Variants in ASTN2 observed in about 807,000 individuals in gnomAD.
ASTN2 encodes astrotactin-2.
A neutral mutation model predicts 139.8 loss-of-function variants in ASTN2; 54 were observed. The observed-to-expected ratio is 0.39, with a 90% CI of 0.31 to 0.48. The LOEUF (loss-of-function observed/expected upper bound fraction) is 0.48, where lower values mean the gene tolerates loss of function less well. ASTN2 is among the 20% of genes least tolerant of loss of function. ASTN2 has a pLI of 0.95. For synonymous variants in ASTN2, 756 were observed against 719.5 expected (o/e 1.05, Z -0.81); for missense variants, 1,565 against 1,725.1 (o/e 0.91, Z 1.64).
intron 16 of ASTN2, among the ~76,000 whole-genome samples, chr9:116,716,677 G>A (rs1345719393): frequency 6.6e-6 from 1 of 152,092 alleles, no homozygotes; most frequent in African/African-American, 2.4e-5. Context: ...GATTGCAATG[G>A]GCACATAAAG....
chr9:117,181,080 TCC>T, intron 3 of ASTN2: 1 of 1,226,614 alleles, frequency 8.2e-7, no homozygotes, highest in Non-Finnish European at 1.2e-6. Context: ...GTTTCCATGG[TCC>T]CTTAAAGCAA....
chr9:117,221,585 C>G (rs551420768), intron 2 of ASTN2, among the ~76,000 whole-genome samples: 1 of 152,206 alleles, frequency 6.6e-6, no homozygotes, highest in East Asian at 1.9e-4. Context: ...GGCCTTTAAT[C>G]CTCAGAGCTG....
intron 7 of ASTN2, among the ~76,000 whole-genome samples, chr9:116,998,212 G>C (rs2132563598): frequency 6.6e-6 from 1 of 152,252 alleles, no homozygotes; most frequent in African/African-American, 2.4e-5. Context: ...TGGTGAGGTG[G>C]AGAGCAATAT....
intron 20 of ASTN2, among the ~76,000 whole-genome samples, chr9:116,454,588 A>G (rs1439991349): frequency 6.6e-6 from 1 of 152,206 alleles, no homozygotes; most frequent in Non-Finnish European, 1.5e-5. Context: ...AGGCACATAC[A>G]CATATGTTTA....
At chr9:116,715,079 C>CAAAAA in intron 16 of ASTN2, among the ~76,000 whole-genome samples, 1 of 114,896 alleles carries the variant, frequency 8.7e-6, no homozygotes, top group Non-Finnish European at 1.9e-5. Flanking sequence ...GACTCCGTCT[C>CAAAAA]AAAAAAAAAA....
chr9:117,110,751 C>T (rs1010558576), intron 4 of ASTN2, among the ~76,000 whole-genome samples: 4 of 152,188 alleles, frequency 2.6e-5, no homozygotes, highest in Non-Finnish European at 5.9e-5. Context: ...AATTTCTCAT[C>T]TTCAAGGTTC....
At chr9:116,617,978 C>T (rs1221120378) in intron 19 of ASTN2, among the ~76,000 whole-genome samples, 1 of 152,134 alleles carries the variant, frequency 6.6e-6, no homozygotes, top group East Asian at 1.9e-4. Flanking sequence ...TACCTCAGTT[C>T]CAGAGATAAT....
At chr9:117,387,714 C>A (rs1830435350) in intron 1 of ASTN2, among the ~76,000 whole-genome samples, 1 of 152,184 alleles carries the variant, frequency 6.6e-6, no homozygotes, top group African/African-American at 2.4e-5. Context: ...TAGCATCATT[C>A]CCCTAAGGCA....
At chr9:116,891,644 T>A (rs553239011) in intron 10 of ASTN2, among the ~76,000 whole-genome samples, 3 of 152,052 alleles carry the variant, frequency 2.0e-5, no homozygotes, top group Admixed American at 6.6e-5. Flanking sequence ...TGAGTCAGAG[T>A]CACTTGATGA....
intron 2 of ASTN2, among the ~76,000 whole-genome samples, chr9:117,245,750 T>A (rs4366153): frequency 1 from 151,598 of 152,246 alleles, 75,477 homozygotes; most frequent in Middle Eastern, 1. Context: ...TGGTATCTGC[T>A]CACCATCTCC....
chr9:116,868,409 T>G (rs1425982822), intron 10 of ASTN2, among the ~76,000 whole-genome samples: 3 of 152,142 alleles, frequency 2.0e-5, no homozygotes, highest in Non-Finnish European at 4.4e-5. Flanking sequence ...ACTTACCCTG[T>G]GTCTTGGGCA....
At position 116,437,771 on chromosome 9, in the gene ASTN2, C is replaced by G. The variant is rs1022511070; in HGVS notation, c.3782+2838G>C. Among the ~76,000 whole-genome samples, 21 of 152,316 alleles carry G rather than the reference C, an allele frequency of 1.4e-4. No individual in the cohort carries two copies. The South Asian group carries it at 2.3e-3, about 17-fold the overall frequency. ...TTCACTTCTGCCCGCCAGTCTGGCC[C>G]TCTTTTAGGTTTTATCTAAAGAACC... is the stretch of plus-strand genomic sequence containing the variant. On this transcript the variant is annotated intron_variant, in intron 22 of 22. Coordinates refer to ENST00000313400, the MANE Select transcript of ASTN2 (RefSeq NM_001365068.1).
intron 17 of ASTN2, among the ~76,000 whole-genome samples, chr9:116,637,326 C>G (rs79621345): frequency 0.021 from 3,234 of 152,306 alleles, 50 homozygotes; most frequent in Non-Finnish European, 0.033. Context: ...TTAACTTTCA[C>G]TGAGCTTTTT....
In ASTN2 at chr9:116,427,456, C is replaced by T. The variant is rs541937626; in HGVS notation, c.3783-1368G>A. On this transcript the variant is annotated intron_variant, in intron 22 of 22. Coordinates refer to ENST00000313400, the MANE Select transcript of ASTN2 (RefSeq NM_001365068.1). ...CCCAGGTCACATTACAAGTCAGCTT[C>T]AGTGTCAAGGTGTCTGTCTCCATGT... Among the ~76,000 whole-genome samples, 4 of 152,232 alleles carry T rather than the reference C, an allele frequency of 2.6e-5. No homozygotes were observed. The East Asian group carries it at 5.8e-4, about 22-fold the overall frequency.
chr9:116,802,165 C>T (rs1226968100), intron 13 of ASTN2, among the ~76,000 whole-genome samples: 2 of 149,766 alleles, frequency 1.3e-5, no homozygotes, highest in East Asian at 2.0e-4. Context: ...AGGCTCACTG[C>T]AAGCTCCGCC....
Position 116,898,915 on chromosome 9 carries a change from TC to T in ASTN2, c.1890-35183del, listed in dbSNP as rs543335224. Among the ~76,000 whole-genome samples, 579 of 152,282 alleles carry T rather than the reference TC, an allele frequency of 3.8e-3. 9 individuals are homozygous for T. Among genetic ancestry groups the T allele is most frequent in the African/African-American group, 0.014 (569 of 41,556 alleles). On this transcript the variant is annotated intron_variant, in intron 10 of 22. Coordinates refer to ENST00000313400, the MANE Select transcript of ASTN2 (RefSeq NM_001365068.1). ...TCAAACTCTTGGGCTCAAGTGATCC[TC>T]TTTCTTGCCTTGACCTCCTAAAATG...
rs117970584 is a variant in ASTN2, at chr9:116,725,037, C to T, written c.2806+734G>A. Among the ~76,000 whole-genome samples the T allele has an allele frequency of 3.5e-4, 53 of 152,212 alleles. No homozygotes were observed. In the East Asian group the frequency reaches 8.1e-3, roughly 23 times the overall value. ...ATTAAAACACATATATACACATGTG[C>T]GATATTCTAACTTCCTCAAAATGCT... On this transcript the variant is annotated intron_variant, in intron 16 of 22. Coordinates refer to ENST00000313400, the MANE Select transcript of ASTN2 (RefSeq NM_001365068.1).
At chr9:117,257,190 G>T (rs1024639086) in intron 2 of ASTN2, among the ~76,000 whole-genome samples, 4 of 152,134 alleles carry the variant, frequency 2.6e-5, no homozygotes, top group African/African-American at 9.7e-5. Flanking sequence ...TGAAGAAAAT[G>T]CTGGTCCTGA....
At chr9:116,512,325 T>C (rs1587913603) in intron 19 of ASTN2, among the ~76,000 whole-genome samples, 1 of 152,258 alleles carries the variant, frequency 6.6e-6, no homozygotes, top group Non-Finnish European at 1.5e-5. Flanking sequence ...AGTGAGTTTC[T>C]AAATCTTGAG....
Sources: gnomAD v4.1 joint callset for allele counts (sites outside exome capture counted in the v4.1 genomes callset) on GRCh38, gnomAD v4.1.1 for gene constraint, MANE v1.5 for transcripts, NCBI Gene and HGNC (gene_info 2026-07-23, HGNC 2026-07-21) for gene names.